The following MLLT6 variants were observed in gnomAD, a reference collection of about 807,000 sequenced individuals.
MLLT6 encodes MLLT6, PHD finger containing.
A neutral mutation model predicts 103.0 loss-of-function variants in MLLT6; 22 were observed. That is an observed-to-expected ratio of 0.21 (90% CI 0.15 to 0.31). MLLT6 has a LOEUF of 0.31. Ranked by LOEUF, MLLT6 falls within the 10% of genes least tolerant of loss-of-function variation. The pLI, the probability that MLLT6 is intolerant of heterozygous loss-of-function variation, is 1.00. For missense variants in MLLT6, 1,199 were observed against 1,441.7 expected, an observed-to-expected ratio of 0.83 and a Z score of 2.73; for synonymous variants, 606 against 623.5, an observed-to-expected ratio of 0.97 and a Z score of 0.42.
In MLLT6 at chr17:38,717,428, G is replaced by A; in HGVS notation, c.1652-4G>A. 1 of 1,582,370 alleles carries A rather than the reference G, an allele frequency of 6.3e-7. No individual in the cohort carries two copies. The highest frequency in any genetic ancestry group is 8.6e-7 in the Non-Finnish European group (1 of 1,161,940). ...CGTGCTTCCCTCTGTCCTTGTGCCTGCAGGCATCTACACCAGTAATAAGGA... is the reference window on the plus strand; with the variant it reads ...CGTGCTTCCCTCTGTCCTTGTGCCTACAGGCATCTACACCAGTAATAAGGA... On this transcript the variant is annotated splice_polypyrimidine_tract_variant and splice_region_variant and intron_variant, in intron 10 of 19. Coordinates refer to ENST00000621332, the MANE Select transcript of MLLT6 (RefSeq NM_005937.4).
At chr17:38,722,553 T>C in intron 17 of MLLT6, 125 bp from the exon 18 acceptor site, 1 of 675,284 alleles carries the variant, frequency 1.5e-6, no homozygotes, top group South Asian at 1.7e-5. Flanking sequence ...AGATCGCACA[T>C]CCCTGCCTTG....
chr17:38,719,645 G>C, intron 13 of MLLT6, 62 bp downstream of exon 13: 1 of 1,570,056 alleles, frequency 6.4e-7, no homozygotes. Context: ...AGGGAGGAGG[G>C]ACGGAGAGAC....
rs967844041 is a variant in MLLT6 at position 38,719,786 on chromosome 17, G to A, written c.2046G>A (p.Gln682=). 1 of 1,613,432 alleles carries A rather than the reference G, an allele frequency of 6.2e-7. No individual in the cohort carries two copies. Among genetic ancestry groups the A allele is most frequent in the South Asian group, 1.1e-5 (1 of 91,056 alleles). ...PISSLPALFD[Q]TASAPCGGGQ... ...GCAGCCTCCCCGCACTCTTCGACCA[G>A]ACAGCCTCTGCACCCTGTGGGGGCG... Residue 682 remains glutamine (Q), a synonymous_variant, in exon 14 of 20, where the codon CAG becomes CAA. Transcript: ENST00000621332.
In MLLT6 at chr17:38,707,005, A is replaced by G. The variant is rs1427201565; in HGVS notation, c.165A>G (p.Glu55=). The G allele has an allele frequency of 6.2e-7, 1 of 1,611,856 alleles. No individual in the cohort carries two copies. The highest frequency in any genetic ancestry group is 1.7e-5 in the Admixed American group (1 of 59,962). The change falls in exon 2 of 20, where the codon GAA becomes GAG. Residue 55 remains glutamate (E), a synonymous_variant. Coordinates refer to ENST00000621332, the MANE Select transcript of MLLT6 (RefSeq NM_005937.4). ...PTGPWFCRKC[E]SQERAARVRC... ...GACCCTGGTTCTGCCGGAAATGTGA[A>G]TCTCAGGAGCGAGCAGCCAGGGTGG...
chr17:38,707,082 C>CGTCTCAGGT, intron 2 of MLLT6, 53 bp downstream of exon 2: 1 of 1,497,766 alleles, frequency 6.7e-7, no homozygotes, highest in Non-Finnish European at 9.2e-7. Flanking sequence ...CACACCTGAG[C>CGTCTCAGGT]GTCTCAGGTT....
chr17:38,724,754 T>C lies in MLLT6; in HGVS notation c.3018T>C (p.Ser1006=). ...CAGGAAGCTCCACCCCGCTGCTGTC[T>C]GCGGGTACCCCTGGCCTGCTGCCCA... ...LLAGSSTPLL[S]AGTPGLLPTA... Residue 1006 remains serine, a synonymous_variant, in exon 19 of 20, where the codon TCT becomes TCC. Transcript: ENST00000621332. This position sits in a 1 kb window ranked among gnomAD's most constrained non-coding sequence, Gnocchi z 5.4. 6.2e-7 allele frequency: 1 copy of C among 1,609,914 alleles called. No individual in the cohort carries two copies. The highest frequency in any genetic ancestry group is 1.1e-5 in the South Asian group (1 of 90,370).
chr17:38,717,781 G>A (rs117599834), intron 11 of MLLT6, 64 bp from the exon 12 acceptor site: 24,294 of 1,450,768 alleles, frequency 0.017, 260 homozygotes, highest in Non-Finnish European at 0.019. Context: ...CCTGCACCCC[G>A]GTACACACAG....
rs1391195748 is a variant in MLLT6 at position 38,716,145 on chromosome 17, G to A, written c.1037-222G>A. 3.3e-6 allele frequency: 2 copies of A among 602,470 alleles called. No homozygotes were observed. Among genetic ancestry groups the A allele is most frequent in the African/African-American group, 3.7e-5 (2 of 53,910 alleles). 37.3% of individuals were successfully genotyped at this position (602,470 alleles called of 1,614,324 possible). On this transcript the variant is annotated intron_variant, in intron 9 of 19. Coordinates refer to ENST00000621332, the MANE Select transcript of MLLT6 (RefSeq NM_005937.4). The surrounding 1 kb of genome is among the most constrained non-coding windows in gnomAD (Gnocchi z 5.6). ...CCTATAATCGCTACAGTCATCTGGT[G>A]AGGCCAGTAGGGTGCGAGTTACTCT...
chr17:38,713,034 T>A (rs1905197834), intron 8 of MLLT6: 6 of 776,108 alleles, frequency 7.7e-6, no homozygotes, highest in Non-Finnish European at 1.4e-5. Flanking sequence ...CATCTGCCTC[T>A]GTCCAGAGGG....
At chr17:38,720,170 A>G in intron 14 of MLLT6, 1 of 692,124 alleles carries the variant, frequency 1.4e-6, no homozygotes. Context: ...CCTCGACCCC[A>G]GCCTCAGGCT....
Position 38,715,737 on chromosome 17 carries a change from G to A in MLLT6, c.945G>A (p.Leu315=), listed in dbSNP as rs751575275. 6.2e-7 allele frequency: 1 copy of A among 1,614,092 alleles called. No individual in the cohort carries two copies. Among genetic ancestry groups the A allele is most frequent in the South Asian group, 1.1e-5 (1 of 91,058 alleles). ...GCCTGAGTCATAAAGGGAAGAAACTGAGCAGTGGGAAAGGTGTGAGCAGTT... is the reference window on the plus strand; with the variant it reads ...GCCTGAGTCATAAAGGGAAGAAACTAAGCAGTGGGAAAGGTGTGAGCAGTT... The part of the protein sequence containing the change: ...SHSLSHKGKK[L]SSGKGVSSFT... Residue 315 remains leucine, a synonymous_variant, in exon 9 of 20, where the codon CTG becomes CTA. Coordinates refer to ENST00000621332, the MANE Select transcript of MLLT6 (RefSeq NM_005937.4).
At chr17:38,715,448 G>C in intron 8 of MLLT6, 164 bp from the exon 9 acceptor site, 1 of 1,244,740 alleles carries the variant, frequency 8.0e-7, no homozygotes, top group Non-Finnish European at 1.1e-6. Flanking sequence ...CCATATCCCT[G>C]GTCTAGGAGC....
At chr17:38,705,811 C>T (rs1433278839) in intron 1 of MLLT6, 70 bp downstream of exon 1, 3 of 541,248 alleles carry the variant, frequency 5.5e-6, no homozygotes, top group Admixed American at 9.7e-5. Flanking sequence ...CCGGCCGCGC[C>T]CTCCGGAGAC....
chr17:38,712,996 G>A, intron 8 of MLLT6: 1 of 776,666 alleles, frequency 1.3e-6, no homozygotes, highest in Non-Finnish European at 2.4e-6. Context: ...GGGATTGGGA[G>A]TTTGGGGTGC....
Position 38,720,701 on chromosome 17 carries a change from G to T in MLLT6, c.2396G>T (p.Gly799Val). ...DSLSTSKSPPGKSSLGLDNSL... is the reference protein window; with the variant it reads ...DSLSTSKSPPVKSSLGLDNSL... ...TTGAGCACCAGCAAGAGCCCTCCGGGAAAGAGCAGCCTCGGCCTGGACAAC... is the reference window on the plus strand; with the variant it reads ...TTGAGCACCAGCAAGAGCCCTCCGGTAAAGAGCAGCCTCGGCCTGGACAAC... Residue 799 changes from glycine to valine, a missense_variant, in exon 16 of 20, where the codon GGA (glycine) becomes GTA (valine). Physicochemically the swap from Gly to Val is moderately radical, Grantham distance 109. Transcript: ENST00000621332. 1 of 1,613,914 alleles carries T rather than the reference G, an allele frequency of 6.2e-7. No individual in the cohort carries two copies.
intron 11 of MLLT6, 104 bp from the exon 12 acceptor site, chr17:38,717,741 G>A (rs1405040384): frequency 6.6e-6 from 9 of 1,367,112 alleles, no homozygotes; most frequent in Non-Finnish European, 9.3e-6. Context: ...CCGGGCTCTG[G>A]ACCCCTCTGC....
In MLLT6 at chr17:38,711,831, C is replaced by T; in HGVS notation, c.553-16C>T. ...TGAGAAGAGGGTTTGCAATTTCTCT[C>T]AAATCTCTCCCGCAGAAGACATCCC... On this transcript the variant is annotated splice_polypyrimidine_tract_variant and intron_variant, in intron 6 of 19. Transcript: ENST00000621332. The T allele has an allele frequency of 6.6e-7, 1 of 1,512,482 alleles. No homozygotes were observed. Among genetic ancestry groups the T allele is most frequent in the East Asian group, 2.4e-5 (1 of 42,454 alleles). The allele number at this position is 1,512,482 out of a possible 1,614,324, so 93.7% of individuals were successfully genotyped here.
Position 38,725,611 on chromosome 17 carries a change from C to G in MLLT6, c.*13C>G, listed in dbSNP as rs770900527. 20 of 1,573,426 alleles carry G rather than the reference C, an allele frequency of 1.3e-5. No homozygotes were observed. The highest frequency in any genetic ancestry group is 1.6e-5 in the Non-Finnish European group (19 of 1,165,998). Reference sequence around the variant, plus strand: ...GGAAAAAGGCTAAATCCACCCTTACCCCTCCTGACCCCCCCAAGTGGAGGG... The same window carrying G: ...GGAAAAAGGCTAAATCCACCCTTACGCCTCCTGACCCCCCCAAGTGGAGGG... On this transcript the variant is annotated 3_prime_UTR_variant, in exon 20 of 20. Transcript: ENST00000621332.
chr17:38,725,732 G>C lies in MLLT6; in HGVS notation c.*134G>C. On this transcript the variant is annotated 3_prime_UTR_variant, in exon 20 of 20. Transcript: ENST00000621332. ...CAGAGCCTGTGCTGAGGTCCAGGGA[G>C]TGTGGAGAGCTCCTGGTGTCGAGGA... 2 of 732,080 alleles carry C rather than the reference G, an allele frequency of 2.7e-6. No homozygotes were observed. The highest frequency in any genetic ancestry group is 3.2e-5 in the East Asian group (1 of 31,648). The allele number at this position is 732,080 out of a possible 1,614,324, so 45.3% of individuals were successfully genotyped here.
Sources: allele counts gnomAD v4.1 joint callset, GRCh38; gene constraint gnomAD v4.1.1; non-coding constraint Gnocchi (gnomAD v3.1); transcripts MANE v1.5; gene names NCBI Gene and HGNC (gene_info 2026-07-23, HGNC 2026-07-21).